The following CACNA1H variants were observed in gnomAD, a reference collection of about 807,000 sequenced individuals.
CACNA1H encodes calcium voltage-gated channel subunit alpha1 H, also known as voltage-dependent T-type calcium channel subunit alpha-1H.
A neutral mutation model predicts 192.5 loss-of-function variants in CACNA1H; 149 were observed. That is an observed-to-expected ratio of 0.77 (90% confidence interval 0.68 to 0.89). The LOEUF (loss-of-function observed/expected upper bound fraction) is 0.89. Ranked by LOEUF, CACNA1H falls within the 40% of genes least tolerant of loss-of-function variation. CACNA1H has a pLI of 0.00. For synonymous variants in CACNA1H, 2,202 were observed against 1,475.2 expected (o/e 1.49, Z -11.29); for missense variants, 4,257 against 3,423.5 (o/e 1.24, Z -6.08).
chr16:1,216,682 A>G (rs766671795), intron 30 of CACNA1H, among the ~76,000 whole-genome samples: 19 of 152,330 alleles, frequency 1.2e-4, no homozygotes, highest in Non-Finnish European at 2.6e-4. Flanking sequence ...GAGAGAAGCC[A>G]GTGCGGGCCA....
chr16:1,195,353 G>A (rs1966868678), intron 3 of CACNA1H, 79 bp from the exon 4 acceptor site: 1 of 1,530,280 alleles, frequency 6.5e-7, no homozygotes, highest in Non-Finnish European at 8.8e-7. Context: ...CTGGGGGCCG[G>A]GCTCTTGCGG....
intron 10 of CACNA1H, among the ~76,000 whole-genome samples, chr16:1,204,672 C>T (rs929825170): frequency 6.6e-6 from 1 of 152,158 alleles, no homozygotes; most frequent in Non-Finnish European, 1.5e-5. Context: ...CTCTAGACGG[C>T]AGCTGATTAG....
At chr16:1,183,777 A>T (rs1488173334) in intron 2 of CACNA1H, among the ~76,000 whole-genome samples, 1 of 152,254 alleles carries the variant, frequency 6.6e-6, no homozygotes, top group Non-Finnish European at 1.5e-5. Flanking sequence ...TACACGGGTG[A>T]GCACGTGACC....
chr16:1,203,444 A>G (rs562886644), intron 9 of CACNA1H, among the ~76,000 whole-genome samples: 1 of 152,196 alleles, frequency 6.6e-6, no homozygotes, highest in East Asian at 1.9e-4. Flanking sequence ...CTCTGCACCT[A>G]AGTGTGTCCC....
In CACNA1H at chr16:1,157,965, C is replaced by T. The variant is rs146356294; in HGVS notation, c.299+3929C>T. On this transcript the variant is annotated intron_variant, in intron 2 of 34. Transcript: ENST00000348261. The stretch of plus-strand genomic sequence containing the variant: ...TGTCTCCCGGAGACCCTGGGCTGCC[C>T]GTGCCTTGCCCGTGGCGCCCTTGCC... 1,194 of 152,302 alleles carry T rather than the reference C, an allele frequency of 7.8e-3. 11 individuals carry two copies. Among genetic ancestry groups the T allele is most frequent in the Middle Eastern group, 0.027 (8 of 296 alleles). 9.4% of individuals were successfully genotyped at this position (152,302 alleles called of 1,614,324 possible).
chr16:1,220,932 G>GA lies in CACNA1H; in HGVS notation c.7001dup (p.Lys2335GlufsTer17). ...CCTCACAGTCCCCCAGTGTCCTCTG[G>GA]AGAAACCAGGGTCCCCCTCAGCCAC... On this transcript the variant is annotated frameshift_variant, in exon 35 of 35. Coordinates refer to ENST00000348261, the MANE Select transcript of CACNA1H (RefSeq NM_021098.3). LOFTEE classifies it low-confidence loss of function (END_TRUNC). 2 of 1,609,666 alleles carry GA rather than the reference G, an allele frequency of 1.2e-6. No homozygotes were observed. Among genetic ancestry groups the GA allele is most frequent in the Non-Finnish European group, 1.7e-6 (2 of 1,178,092 alleles).
intron 2 of CACNA1H, among the ~76,000 whole-genome samples, chr16:1,177,728 A>G (rs1965032480): frequency 6.6e-6 from 1 of 151,646 alleles, no homozygotes. Context: ...CACGGGGGCC[A>G]CTTCTGGGTG....
chr16:1,160,106 C>A (rs538482954), intron 2 of CACNA1H: 10 of 152,414 alleles, frequency 6.6e-5, no homozygotes, highest in Admixed American at 3.9e-4. Flanking sequence ...GTCGCACAGT[C>A]AAGGTCAGGC....
At chr16:1,215,203 G>A in intron 28 of CACNA1H, 39 bp from the exon 29 acceptor site, 1 of 1,587,688 alleles carries the variant, frequency 6.3e-7, no homozygotes, top group Non-Finnish European at 8.6e-7. Context: ...AGCCGAGGCG[G>A]GGACCCCAGA....
chr16:1,197,204 C>T (rs1567499032), intron 5 of CACNA1H, among the ~76,000 whole-genome samples: 1 of 152,238 alleles, frequency 6.6e-6, no homozygotes, highest in Non-Finnish European at 1.5e-5. Flanking sequence ...CTCTGAGCAA[C>T]TAGCTGAGCC....
chr16:1,220,920 C>A lies in CACNA1H; in HGVS notation c.6988C>A (p.Gln2330Lys), dbSNP rs558809828. 3 of 1,611,098 alleles carry A rather than the reference C, an allele frequency of 1.9e-6. No individual in the cohort carries two copies. In the East Asian group the frequency reaches 6.7e-5, roughly 36 times the overall value. ...GCGGGGGCTGTACCTCACAGTCCCC[C>A]AGTGTCCTCTGGAGAAACCAGGGTC... ...KRRGLYLTVP[Q>K]CPLEKPGSPS... is the part of the protein sequence containing the mutation. The change falls in exon 35 of 35, where the codon CAG becomes AAG. Residue 2330 changes from glutamine to lysine, a missense_variant. Physicochemically the swap from Gln to Lys is moderately conservative, Grantham distance 53. Coordinates refer to ENST00000348261, the MANE Select transcript of CACNA1H (RefSeq NM_021098.3).
intron 1 of CACNA1H, 65 bp from the exon 2 acceptor site, chr16:1,153,655 C>G: frequency 9.5e-7 from 1 of 1,049,652 alleles, no homozygotes; most frequent in Non-Finnish European, 1.2e-6. Flanking sequence ...TCCCGCAGCT[C>G]CGCGCCGCGG....
intron 28 of CACNA1H, 68 bp from the exon 29 acceptor site, chr16:1,215,174 T>C (rs1969906650): frequency 1.3e-6 from 2 of 1,580,388 alleles, no homozygotes; most frequent in Non-Finnish European, 1.7e-6. Context: ...CACGGAGGTC[T>C]GCAGAAGCAA....
intron 5 of CACNA1H, among the ~76,000 whole-genome samples, chr16:1,196,452 T>G (rs973340442): frequency 6.6e-6 from 1 of 152,244 alleles, no homozygotes; most frequent in African/African-American, 2.4e-5. Context: ...AGCCCCGCCT[T>G]CACACCCACA....
chr16:1,182,641 G>T (rs756208137), intron 2 of CACNA1H, among the ~76,000 whole-genome samples: 9 of 152,286 alleles, frequency 5.9e-5, no homozygotes, highest in Non-Finnish European at 1.0e-4. Context: ...TCCCACATCG[G>T]GGGCCTGGCT....
chr16:1,160,323 G>A (rs950728011), intron 2 of CACNA1H: 1 of 152,254 alleles, frequency 6.6e-6, no homozygotes, highest in Non-Finnish European at 1.5e-5. Context: ...GGCCCAGGTT[G>A]AATTTCCAGG....
intron 2 of CACNA1H, among the ~76,000 whole-genome samples, chr16:1,187,094 C>T (rs1012311905): frequency 1.3e-5 from 2 of 152,274 alleles, no homozygotes; most frequent in South Asian, 2.1e-4. Context: ...CTCCGCACTG[C>T]GGGCTGATAG....
chr16:1,208,320 C>G (rs1035682844), intron 16 of CACNA1H, 99 bp downstream of exon 16: 10 of 827,288 alleles, frequency 1.2e-5, no homozygotes, highest in East Asian at 2.6e-5. Flanking sequence ...CCGCACCCCC[C>G]ACACCCTTGA....
intron 2 of CACNA1H, among the ~76,000 whole-genome samples, chr16:1,186,543 C>T (rs1411221594): frequency 3.3e-5 from 5 of 152,092 alleles, no homozygotes; most frequent in Admixed American, 2.6e-4. Flanking sequence ...CCGGCGATTC[C>T]CTGGGAACGT....
Sources: allele counts gnomAD v4.1 joint callset (sites outside exome capture counted in the v4.1 genomes callset), GRCh38; gene constraint gnomAD v4.1.1; transcripts MANE v1.5; gene names NCBI Gene and HGNC (gene_info 2026-07-23, HGNC 2026-07-21).